The following FARP2 variants were observed in gnomAD, a reference collection of about 807,000 sequenced individuals.
The protein encoded by FARP2 is FERM, ARHGEF and pleckstrin domain-containing protein 2.
In FARP2, 111 loss-of-function variants were observed where a neutral mutation model predicts 130.5. That is an observed-to-expected ratio of 0.85 (90% CI 0.73 to 1.00). The LOEUF is 1.00. Among genes scored for constraint, FARP2 ranks in the 50% least tolerant of loss-of-function variants. FARP2 has a pLI of 0.00. For synonymous variants in FARP2, 504 were observed against 516.9 expected (o/e 0.98, Z 0.34); for missense variants, 1,385 against 1,346.3 (o/e 1.03, Z -0.45).
intron 21 of FARP2, 183 bp from the exon 22 acceptor site, chr2:241,489,779 A>G: frequency 1.8e-6 from 1 of 543,588 alleles, no homozygotes; most frequent in Non-Finnish European, 3.3e-6. Context: ...CCTGGGGTGC[A>G]GCTGCCATGG....
At position 241,413,313 on chromosome 2, in the gene FARP2, TAGG is replaced by T. The variant is rs776170834; in HGVS notation, c.518_520del (p.Gly173del). ...TACTTTTAACCTATCTCAGCGGAAATAGGAGATTACGATGAAACGCTGGACCGA... is the reference window on the plus strand; with the variant it reads ...TACTTTTAACCTATCTCAGCGGAAATAGATTACGATGAAACGCTGGACCGA... On this transcript the variant is annotated inframe_deletion, in exon 7 of 27. Transcript: ENST00000264042. 2 of 1,603,000 alleles carry T rather than the reference TAGG, an allele frequency of 1.2e-6. No homozygotes were observed. Among genetic ancestry groups the T allele is most frequent in the African/African-American group, 2.7e-5 (2 of 74,766 alleles).
intron 18 of FARP2, among the ~76,000 whole-genome samples, chr2:241,474,804 T>TAAATAAATAA (rs911995696): frequency 9.5e-6 from 1 of 104,810 alleles, no homozygotes; most frequent in African/African-American, 3.4e-5. Context: ...ATAATAATAA[T>TAAATAAATAA]AAATAAATAA....
intron 2 of FARP2, among the ~76,000 whole-genome samples, chr2:241,397,103 A>C (rs1008215386): frequency 2.6e-5 from 4 of 152,170 alleles, no homozygotes; most frequent in Non-Finnish European, 5.9e-5. Context: ...CAAACACCGC[A>C]TGTTCTCACT....
chr2:241,448,149 T>C (rs2063554526), intron 13 of FARP2, among the ~76,000 whole-genome samples: 1 of 152,186 alleles, frequency 6.6e-6, no homozygotes, highest in Admixed American at 6.5e-5. Context: ...TACTTCCCAC[T>C]TAGAGGAGAG....
chr2:241,435,086 A>G lies in FARP2; in HGVS notation c.1100+56A>G. 4.8e-6 allele frequency: 5 copies of G among 1,050,824 alleles called. No homozygotes were observed. In the South Asian group the frequency reaches 7.4e-5, roughly 16 times the overall value. 65.1% of individuals were successfully genotyped at this position (1,050,824 alleles called of 1,614,324 possible). A position where few individuals can be genotyped will look rare whatever the true frequency, so the allele number is the denominator to read the frequency against. On this transcript the variant is annotated intron_variant, in intron 11 of 26. Transcript: ENST00000264042. Reference sequence around the variant, plus strand: ...GTGCTTTTAAAATTAAAATTTAAATATATATATGGAGAGAGAGCGAAAAGA... The same window carrying G: ...GTGCTTTTAAAATTAAAATTTAAATGTATATATGGAGAGAGAGCGAAAAGA...
rs2061327624 is a variant in FARP2 at position 241,366,681 on chromosome 2, A to G, written c.-24-6403A>G. Among the ~76,000 whole-genome samples, 6 of 152,224 alleles carry G rather than the reference A, an allele frequency of 3.9e-5. No homozygotes were observed. In the South Asian group the frequency reaches 1.2e-3, roughly 32 times the overall value. The stretch of plus-strand genomic sequence containing the variant: ...GGTATATTTAATTTTTGGCTACCAA[A>G]CACTATAAATTAGTAGAAATCAAGA... On this transcript the variant is annotated intron_variant, in intron 1 of 26. Transcript: ENST00000264042.
intron 8 of FARP2, among the ~76,000 whole-genome samples, chr2:241,421,177 A>G (rs1481823060): frequency 2.0e-5 from 3 of 152,194 alleles, no homozygotes; most frequent in Admixed American, 2.0e-4. Context: ...CCCACAGATC[A>G]GGAGATCTCC....
intron 2 of FARP2, among the ~76,000 whole-genome samples, chr2:241,382,532 C>T (rs547012818): frequency 6.6e-6 from 1 of 152,300 alleles, no homozygotes; most frequent in Admixed American, 6.5e-5. Context: ...GTATACCAGC[C>T]TTAGCCTCCC....
At chr2:241,440,033 A>G (rs983095685) in intron 12 of FARP2, among the ~76,000 whole-genome samples, 1 of 152,330 alleles carries the variant, frequency 6.6e-6, no homozygotes, top group African/African-American at 2.4e-5. Flanking sequence ...CCACATGAGA[A>G]TATTGAATAT....
chr2:241,358,996 A>C (rs780071922), intron 1 of FARP2, among the ~76,000 whole-genome samples: 13 of 152,212 alleles, frequency 8.5e-5, no homozygotes, highest in Non-Finnish European at 1.8e-4. Context: ...AGTAGGGTAG[A>C]GTACTCCATA....
intron 2 of FARP2, among the ~76,000 whole-genome samples, chr2:241,388,801 C>G (rs762701507): frequency 9.9e-5 from 15 of 151,976 alleles, no homozygotes; most frequent in Non-Finnish European, 1.8e-4. Flanking sequence ...GCACTCCAGC[C>G]TGGGTAACAG....
Position 241,441,390 on chromosome 2 carries a change from C to G in FARP2, c.1245C>G (p.Val415=). The change falls in exon 13 of 27, where the codon GTC becomes GTG. Residue 415 remains valine, a synonymous_variant. Transcript: ENST00000264042. ...ACTCGCTCTCTCCCTCCACTCTGGTCCCCTCTGGCCTGCCAGAGTTTAAGG... is the reference window on the plus strand; with the variant it reads ...ACTCGCTCTCTCCCTCCACTCTGGTGCCCTCTGGCCTGCCAGAGTTTAAGG... ...AFYSLSPSTL[V]PSGLPEFKDS... 6.2e-7 allele frequency: 1 copy of G among 1,614,218 alleles called. No homozygotes were observed. Among genetic ancestry groups the G allele is most frequent in the Non-Finnish European group, 8.5e-7 (1 of 1,180,030 alleles).
At chr2:241,488,621 CG>C (rs2064819562) in intron 21 of FARP2, 1 of 151,982 alleles carries the variant, frequency 6.6e-6, no homozygotes, top group Non-Finnish European at 1.5e-5. Context: ...AGGATGGTCT[CG>C]ATCTCCTGAC....
At chr2:241,386,854 T>C (rs2061795856) in intron 2 of FARP2, 1 of 152,244 alleles carries the variant, frequency 6.6e-6, no homozygotes, top group Non-Finnish European at 1.5e-5. Flanking sequence ...GTTTGGGATA[T>C]GGTTTCAATA....
chr2:241,436,941 G>A (rs2063245043), intron 12 of FARP2, among the ~76,000 whole-genome samples: 1 of 152,188 alleles, frequency 6.6e-6, no homozygotes, highest in South Asian at 2.1e-4. Flanking sequence ...AGCCAAGATA[G>A]TGGCACTACA....
rs1266083850 is a variant in FARP2, at chr2:241,459,427, G to A, written c.1587+2505G>A. On this transcript the variant is annotated intron_variant, in intron 14 of 26. Transcript: ENST00000264042. This position sits in a 1 kb window ranked among gnomAD's most constrained non-coding sequence, Gnocchi z 5.3. ...CTTGCACCCAGTTGCTGGGCTGTGC[G>A]GGGAGGGGCAAAGAGCTGCCCACCC... is the stretch of plus-strand genomic sequence containing the variant. Among the ~76,000 whole-genome samples the A allele has an allele frequency of 3.3e-5, 5 of 152,212 alleles. No individual in the cohort carries two copies. The highest frequency in any genetic ancestry group is 4.8e-5 in the African/African-American group (2 of 41,454).
intron 5 of FARP2, among the ~76,000 whole-genome samples, chr2:241,408,773 A>G (rs781341604): frequency 9.8e-5 from 15 of 152,304 alleles, no homozygotes; most frequent in Non-Finnish European, 1.6e-4. Context: ...TCATAAATGA[A>G]TCAGATGTCT....
At chr2:241,392,499 G>A (rs1266205782) in intron 2 of FARP2, among the ~76,000 whole-genome samples, 2 of 152,202 alleles carry the variant, frequency 1.3e-5, no homozygotes, top group African/African-American at 4.8e-5. Context: ...GCTAGGGTAT[G>A]AATGAATCCA....
At chr2:241,441,252 G>GGTAATTT in intron 12 of FARP2, 52 bp from the exon 13 acceptor site, 1 of 1,515,640 alleles carries the variant, frequency 6.6e-7, no homozygotes, top group South Asian at 1.3e-5. Flanking sequence ...AACTTCTAGT[G>GGTAATTT]GTAATTTGTA....
Sources: allele counts gnomAD v4.1 joint callset (sites outside exome capture counted in the v4.1 genomes callset), GRCh38; gene constraint gnomAD v4.1.1; non-coding constraint Gnocchi (gnomAD v3.1); transcripts MANE v1.5; gene names NCBI Gene and HGNC (gene_info 2026-07-23, HGNC 2026-07-21).